TMEM131L: variants seen among roughly 807,000 people sequenced by gnomAD.
The protein encoded by TMEM131L is transmembrane 131 like.
Under a neutral mutation model 192.2 loss-of-function variants are expected in TMEM131L, and 54 were observed. That is an observed-to-expected ratio of 0.28 (90% CI 0.23 to 0.35). The LOEUF is 0.35. Ranked by LOEUF, TMEM131L falls within the 10% of genes least tolerant of loss-of-function variation. TMEM131L has a pLI of 1.00. For missense variants in TMEM131L, 1,888 were observed against 1,972.9 expected (o/e 0.96, Z 0.82); for synonymous variants, 701 against 704.9 (o/e 0.99, Z 0.09).
chr4:153,567,538 T>TC (rs1309231913), intron 7 of TMEM131L, among the ~76,000 whole-genome samples: 1 of 149,696 alleles, frequency 6.7e-6, no homozygotes, highest in South Asian at 2.1e-4. Context: ...ATTTTTTTTT[T>TC]CCCCCAGGCT....
chr4:153,550,457 G>C (rs1737527383), intron 4 of TMEM131L, among the ~76,000 whole-genome samples: 1 of 152,062 alleles, frequency 6.6e-6, no homozygotes, highest in Non-Finnish European at 1.5e-5. Flanking sequence ...CTCCCGAGTA[G>C]CTGGGACTAC....
chr4:153,491,236 A>G (rs1420322748), intron 3 of TMEM131L, among the ~76,000 whole-genome samples: 2 of 152,184 alleles, frequency 1.3e-5, no homozygotes, highest in East Asian at 1.9e-4. Context: ...ACATGTTCCT[A>G]GAGAGCTGAA....
intron 9 of TMEM131L, among the ~76,000 whole-genome samples, chr4:153,582,433 G>GTTTTTTTTTT (rs1038256479): frequency 6.4e-4 from 26 of 40,336 alleles, no homozygotes; most frequent in Non-Finnish European, 8.4e-4. Context: ...TTTTTTTGTT[G>GTTTTTTTTTT]TTTTTTTTTT....
chr4:153,635,816 A>G lies in TMEM131L; in HGVS notation c.4557+245A>G, dbSNP rs549363421. Among the ~76,000 whole-genome samples, 3 of 152,268 alleles carry G rather than the reference A, an allele frequency of 2.0e-5. No homozygotes were observed. The East Asian group carries it at 5.8e-4, about 29-fold the overall frequency. On this transcript the variant is annotated intron_variant, in intron 34 of 34. Coordinates refer to ENST00000409959, the MANE Select transcript of TMEM131L (RefSeq NM_001131007.2). ...CCACCCCAAATGAAAAACATCCCCA[A>G]ACACACCAAGCAATGGTCCTTTGTA... is the stretch of plus-strand genomic sequence containing the variant.
intron 3 of TMEM131L, among the ~76,000 whole-genome samples, chr4:153,540,375 C>G (rs1463398930): frequency 6.6e-6 from 1 of 152,184 alleles, no homozygotes; most frequent in Admixed American, 6.5e-5. Flanking sequence ...GCACGTTCAG[C>G]CTTCTAGATC....
chr4:153,592,895 A>G (rs1256602050), intron 18 of TMEM131L, among the ~76,000 whole-genome samples: 1 of 152,170 alleles, frequency 6.6e-6, no homozygotes, highest in South Asian at 2.1e-4. Context: ...ACTCACAATC[A>G]TGGTGATTTC....
At chr4:153,499,969 G>A (rs1017860607) in intron 3 of TMEM131L, among the ~76,000 whole-genome samples, 7 of 150,478 alleles carry the variant, frequency 4.7e-5, no homozygotes, top group African/African-American at 7.4e-5. Context: ...TTTTTAACTC[G>A]CCCAGGCTAA....
At chr4:153,494,793 C>T (rs1367127664) in intron 3 of TMEM131L, among the ~76,000 whole-genome samples, 3 of 152,136 alleles carry the variant, frequency 2.0e-5, no homozygotes, top group Non-Finnish European at 4.4e-5. Flanking sequence ...AGCTCTCCGT[C>T]GGGAGCGCTA....
rs541779708 is a variant in TMEM131L at position 153,608,632 on chromosome 4, T to C, written c.3419-3620T>C. Among the ~76,000 whole-genome samples, 4 of 152,358 alleles carry C rather than the reference T, an allele frequency of 2.6e-5. No homozygotes were observed. The East Asian group carries it at 7.7e-4, about 29-fold the overall frequency. ...ACAGTACCTGAAAGTTTTCACTGAA[T>C]TACATTCCTCACCTTTCTGAAATTA... On this transcript the variant is annotated intron_variant, in intron 25 of 34. Coordinates refer to ENST00000409959, the MANE Select transcript of TMEM131L (RefSeq NM_001131007.2).
chr4:153,580,767 A>G (rs1730275676), intron 7 of TMEM131L, 59 bp from the exon 8 acceptor site: 1 of 913,586 alleles, frequency 1.1e-6, no homozygotes, highest in Admixed American at 2.0e-5. Flanking sequence ...ATTGTTTATT[A>G]TTAGTGTGAG....
chr4:153,540,717 C>T (rs1246630252), intron 3 of TMEM131L, among the ~76,000 whole-genome samples: 1 of 152,234 alleles, frequency 6.6e-6, no homozygotes, highest in Non-Finnish European at 1.5e-5. Flanking sequence ...AGCTTTAAAA[C>T]GTGGCTAGTG....
Position 153,591,420 on chromosome 4 carries a change from C to G in TMEM131L, c.1812+226C>G, listed in dbSNP as rs1257070690. ...TAAATGTGTCAGTTAAGAAAGTACT[C>G]AACTGCAAACAGCAGAGAAAATCTT... On this transcript the variant is annotated intron_variant, in intron 17 of 34. Transcript: ENST00000409959. Among the ~76,000 whole-genome samples, 4 of 152,190 alleles carry G rather than the reference C, an allele frequency of 2.6e-5. No homozygotes were observed. The East Asian group carries it at 7.7e-4, about 29-fold the overall frequency.
At chr4:153,549,832 T>G (rs917091573) in intron 3 of TMEM131L, among the ~76,000 whole-genome samples, 2 of 152,248 alleles carry the variant, frequency 1.3e-5, no homozygotes, top group Non-Finnish European at 2.9e-5. Flanking sequence ...TCTATTTCTG[T>G]CTGAATGCTT....
At chr4:153,625,323 G>A (rs185594299) in intron 29 of TMEM131L, among the ~76,000 whole-genome samples, 349 of 151,284 alleles carry the variant, frequency 2.3e-3, no homozygotes, top group African/African-American at 8.1e-3. Flanking sequence ...GGCAGGAGGC[G>A]GAGGTTGCAG....
At chr4:153,579,124 G>A (rs770496286) in intron 7 of TMEM131L, among the ~76,000 whole-genome samples, 3 of 152,084 alleles carry the variant, frequency 2.0e-5, no homozygotes, top group African/African-American at 4.8e-5. Flanking sequence ...ACTTTGGGAG[G>A]CTGAGGTGGG....
chr4:153,523,271 G>T (rs1481933210), intron 3 of TMEM131L, among the ~76,000 whole-genome samples: 2 of 152,214 alleles, frequency 1.3e-5, no homozygotes, highest in Non-Finnish European at 2.9e-5. Flanking sequence ...TGCCTTTTAA[G>T]TGGAAGTATT....
At chr4:153,624,609 AGGGCAG>A (rs2126793059) in intron 29 of TMEM131L, among the ~76,000 whole-genome samples, 1 of 152,346 alleles carries the variant, frequency 6.6e-6, no homozygotes, top group East Asian at 1.9e-4. Flanking sequence ...CCCCGTGAGA[AGGGCAG>A]GGCAGGTGTC....
intron 21 of TMEM131L, 47 bp downstream of exon 21, chr4:153,598,779 G>T: frequency 1.4e-6 from 2 of 1,432,256 alleles, no homozygotes; most frequent in South Asian, 1.6e-5. Flanking sequence ...TGGCATTAAA[G>T]CTGAGAGTGA....
rs542453055 is a variant in TMEM131L at position 153,597,097 on chromosome 4, TTTA to T, written c.2123+718_2123+720del. The stretch of plus-strand genomic sequence containing the variant: ...TAGTATCAGATCACCTGGCAAAAAA[TTTA>T]TTATTCAGAATTTTCTTTAATATAT... On this transcript the variant is annotated intron_variant, in intron 20 of 34. Transcript: ENST00000409959. Among the ~76,000 whole-genome samples the T allele has an allele frequency of 7.6e-4, 115 of 152,206 alleles. 1 individual carries two copies. The highest frequency in any genetic ancestry group is 2.6e-3 in the African/African-American group (109 of 41,580).
Sources: gnomAD v4.1 joint callset for allele counts (sites outside exome capture counted in the v4.1 genomes callset) on GRCh38, gnomAD v4.1.1 for gene constraint, MANE v1.5 for transcripts, NCBI Gene and HGNC (gene_info 2026-07-23, HGNC 2026-07-21) for gene names.